The following ATP10B variants were observed in gnomAD, a reference collection of about 807,000 sequenced individuals.
ATP10B encodes the protein phospholipid-transporting ATPase VB.
ATP10B carries 122 observed loss-of-function variants against 141.2 expected under a neutral mutation model. That is an observed-to-expected ratio of 0.86 (90% confidence interval 0.75 to 1.00). The LOEUF (loss-of-function observed/expected upper bound fraction) is 1.00. Among genes scored for constraint, ATP10B ranks in the 50% least tolerant of loss-of-function variants. The probability of loss-of-function intolerance (pLI) is 0.00; values close to 1 mark genes in which losing one functional copy is unlikely to be tolerated. For synonymous variants in ATP10B, 685 were observed against 692.0 expected, an observed-to-expected ratio of 0.99 and a Z score of 0.16; for missense variants, 1,876 against 1,825.3, an observed-to-expected ratio of 1.03 and a Z score of -0.51.
rs530336250 is a variant in ATP10B at position 160,571,798 on chromosome 5, A to G, written c.3751-2115T>C. Among the ~76,000 whole-genome samples, 39 of 152,298 alleles carry G rather than the reference A, an allele frequency of 2.6e-4. No individual in the cohort carries two copies. The South Asian group carries it at 4.3e-3, about 17-fold the overall frequency. On this transcript the variant is annotated intron_variant, in intron 24 of 25. Coordinates refer to ENST00000327245, the MANE Select transcript of ATP10B (RefSeq NM_025153.3). ...CCCAGGTAACATGAACCTGGGCTAC[A>G]TATGTACCTGAGGCCAGTCTGTGGT...
intron 6 of ATP10B, chr5:160,684,788 A>G (rs1763646614): frequency 6.4e-6 from 4 of 629,076 alleles, no homozygotes; most frequent in Non-Finnish European, 1.1e-5. Flanking sequence ...AGCAGCCACA[A>G]AAAGATCAGG....
chr5:160,850,296 T>C (rs943241173), intron 1 of ATP10B, among the ~76,000 whole-genome samples: 1 of 152,056 alleles, frequency 6.6e-6, no homozygotes, highest in African/African-American at 2.4e-5. Context: ...TGGTGGTGCA[T>C]GCCTGTAATC....
the ATP10B span, among the ~76,000 whole-genome samples, chr5:160,876,623 A>T: frequency 2.6e-5 from 4 of 151,966 alleles, no homozygotes; most frequent in Non-Finnish European, 5.9e-5. Context: ...GATCAACAAA[A>T]TTGATAGACT....
the ATP10B span, among the ~76,000 whole-genome samples, chr5:160,861,351 A>C: frequency 1.3e-5 from 2 of 151,942 alleles, no homozygotes; most frequent in Non-Finnish European, 2.9e-5. Context: ...ATGAATAAAA[A>C]TCTCTCCAAA....
chr5:160,771,979 A>G (rs1312467345), intron 2 of ATP10B, among the ~76,000 whole-genome samples: 1 of 152,248 alleles, frequency 6.6e-6, no homozygotes, highest in Non-Finnish European at 1.5e-5. Flanking sequence ...CTAATCGGGG[A>G]AGCCCCTCCA....
At chr5:160,624,975 A>G (rs1234448315) in intron 13 of ATP10B, among the ~76,000 whole-genome samples, 10 of 152,178 alleles carry the variant, frequency 6.6e-5, no homozygotes, top group African/African-American at 2.2e-4. Flanking sequence ...CTCCAAACCT[A>G]TTTCTCAACA....
the ATP10B span, among the ~76,000 whole-genome samples, chr5:160,857,474 G>T: frequency 6.6e-6 from 1 of 151,640 alleles, no homozygotes; most frequent in Non-Finnish European, 1.5e-5. Context: ...TCTTTTAAAA[G>T]AACCAGCTCT....
At chr5:160,870,256 T>C in the ATP10B span, among the ~76,000 whole-genome samples, 1 of 152,096 alleles carries the variant, frequency 6.6e-6, no homozygotes, top group Non-Finnish European at 1.5e-5. Flanking sequence ...ATCACAGGAC[T>C]ATAGAGTGTT....
intron 9 of ATP10B, among the ~76,000 whole-genome samples, chr5:160,642,092 T>C (rs1279435891): frequency 6.6e-6 from 1 of 152,098 alleles, no homozygotes; most frequent in Non-Finnish European, 1.5e-5. Flanking sequence ...TATGGGGCAG[T>C]GGATAAGAGT....
At chr5:160,738,126 G>A (rs1011561352) in intron 2 of ATP10B, among the ~76,000 whole-genome samples, 5 of 151,888 alleles carry the variant, frequency 3.3e-5, no homozygotes, top group African/African-American at 1.2e-4. Context: ...AAAATTAATA[G>A]CAATAAGGTA....
chr5:160,607,372 T>C (rs938867340), intron 18 of ATP10B, among the ~76,000 whole-genome samples: 1 of 152,172 alleles, frequency 6.6e-6, no homozygotes, highest in Non-Finnish European at 1.5e-5. Context: ...AGATAATAAA[T>C]AATACTAATA....
intron 7 of ATP10B, among the ~76,000 whole-genome samples, chr5:160,655,543 T>C (rs1268455286): frequency 6.6e-6 from 1 of 152,096 alleles, no homozygotes; most frequent in African/African-American, 2.4e-5. Flanking sequence ...AGGGTGATAT[T>C]AGAAGTGTGT....
intron 24 of ATP10B, among the ~76,000 whole-genome samples, chr5:160,572,197 T>TTTC (rs1554090957): frequency 6.6e-6 from 1 of 151,406 alleles, no homozygotes; most frequent in Admixed American, 6.6e-5. Flanking sequence ...AGTTTTTTTT[T>TTTC]CCCCTTTTTT....
At chr5:160,585,170 A>G (rs1416847362) in intron 24 of ATP10B, among the ~76,000 whole-genome samples, 1 of 152,038 alleles carries the variant, frequency 6.6e-6, no homozygotes. Flanking sequence ...CTTATTTTTC[A>G]TATTTGTGTA....
chr5:160,722,384 G>C (rs1020831614), intron 2 of ATP10B, among the ~76,000 whole-genome samples: 10 of 152,078 alleles, frequency 6.6e-5, no homozygotes, highest in Admixed American at 6.6e-4. Flanking sequence ...GTACTCATTC[G>C]TACTGTCATG....
chr5:160,870,672 G>A, the ATP10B span, among the ~76,000 whole-genome samples: 1 of 151,790 alleles, frequency 6.6e-6, no homozygotes, highest in African/African-American at 2.4e-5. Context: ...TACTGGCTGA[G>A]AATTTCCCCA....
At chr5:160,850,280 C>T (rs556189155) in intron 1 of ATP10B, among the ~76,000 whole-genome samples, 7 of 152,132 alleles carry the variant, frequency 4.6e-5, no homozygotes, top group African/African-American at 1.4e-4. Flanking sequence ...AAAAATTAGC[C>T]AGGCATGGTG....
At chr5:160,616,072 C>T (rs1757979531) in intron 16 of ATP10B, 108 bp from the exon 17 acceptor site, 3 of 1,216,660 alleles carry the variant, frequency 2.5e-6, no homozygotes, top group Non-Finnish European at 2.2e-6. Context: ...AACTTCCCTA[C>T]ATAATTAGAT....
chr5:160,743,135 T>A (rs1420193777), intron 2 of ATP10B, among the ~76,000 whole-genome samples: 1 of 152,176 alleles, frequency 6.6e-6, no homozygotes, highest in Non-Finnish European at 1.5e-5. Flanking sequence ...CGCTGCCCCA[T>A]TTTGTAAGTA....
Sources: allele counts gnomAD v4.1 joint callset (sites outside exome capture counted in the v4.1 genomes callset), GRCh38; gene constraint gnomAD v4.1.1; transcripts MANE v1.5; gene names NCBI Gene and HGNC (gene_info 2026-07-23, HGNC 2026-07-21).